Variants in GALNT13 observed in about 807,000 individuals in gnomAD.
GALNT13 encodes polypeptide N-acetylgalactosaminyltransferase 13.
In GALNT13, 28 loss-of-function variants were observed where a neutral mutation model predicts 64.2. That is an observed-to-expected ratio of 0.44 (90% CI 0.32 to 0.60). The LOEUF is 0.60. GALNT13 is among the 20% of genes least tolerant of loss of function. The pLI is 0.05. For missense variants in GALNT13, 577 were observed against 669.8 expected (o/e 0.86, Z 1.53); for synonymous variants, 214 against 224.6 (o/e 0.95, Z 0.42).
At chr2:154,070,012 A>T (rs965893237) in intron 3 of GALNT13, among the ~76,000 whole-genome samples, 1 of 152,128 alleles carries the variant, frequency 6.6e-6, no homozygotes, top group Non-Finnish European at 1.5e-5. Flanking sequence ...AAATTTAAAG[A>T]ATGCACTATT....
intron 8 of GALNT13, among the ~76,000 whole-genome samples, chr2:154,278,929 T>C (rs979539833): frequency 1.3e-5 from 2 of 152,024 alleles, no homozygotes; most frequent in African/African-American, 4.8e-5. Flanking sequence ...TATCATAAAT[T>C]TAAAATAAAA....
chr2:153,096,087 A>T, the GALNT13 span, among the ~76,000 whole-genome samples: 1 of 151,810 alleles, frequency 6.6e-6, no homozygotes, highest in South Asian at 2.1e-4. Context: ...AAAAAAACAA[A>T]TTTTTCAGTT....
chr2:154,364,662 T>C (rs1439249510), intron 9 of GALNT13, among the ~76,000 whole-genome samples: 1 of 149,864 alleles, frequency 6.7e-6, no homozygotes, highest in Non-Finnish European at 1.5e-5. Context: ...TTTGTTTTGT[T>C]TTGTTTTGTT....
At chr2:153,174,789 T>C in the GALNT13 span, among the ~76,000 whole-genome samples, 1 of 152,204 alleles carries the variant, frequency 6.6e-6, no homozygotes, top group African/African-American at 2.4e-5. Context: ...TTTGAGACTT[T>C]ACCTGAAGCA....
chr2:153,718,089 T>G, the GALNT13 span, among the ~76,000 whole-genome samples: 2 of 152,078 alleles, frequency 1.3e-5, no homozygotes, highest in African/African-American at 2.4e-5. Context: ...AAAAAAAGAT[T>G]CATTGGTGTT....
the GALNT13 span, among the ~76,000 whole-genome samples, chr2:153,341,021 A>G: frequency 1.3e-5 from 2 of 152,196 alleles, no homozygotes; most frequent in African/African-American, 2.4e-5. Flanking sequence ...CTGTGTCTTA[A>G]TAAGCCCTCT....
chr2:153,086,519 G>T, the GALNT13 span, among the ~76,000 whole-genome samples: 3 of 152,062 alleles, frequency 2.0e-5, no homozygotes, highest in African/African-American at 7.2e-5. Context: ...CCTGCACACA[G>T]TCTCTTGCCT....
the GALNT13 span, among the ~76,000 whole-genome samples, chr2:153,636,066 T>G: frequency 2.0e-5 from 3 of 152,222 alleles, no homozygotes; most frequent in African/African-American, 4.8e-5. Context: ...GGTGATTACA[T>G]TTTTAGCATG....
the GALNT13 span, among the ~76,000 whole-genome samples, chr2:153,702,553 G>A: frequency 6.6e-6 from 1 of 152,122 alleles, no homozygotes; most frequent in Non-Finnish European, 1.5e-5. Flanking sequence ...AAGAGCTTCT[G>A]TATATAGTTT....
intron 11 of GALNT13, among the ~76,000 whole-genome samples, chr2:154,417,517 A>ATTTTTTT (rs775341273): frequency 2.3e-4 from 29 of 127,124 alleles, no homozygotes; most frequent in African/African-American, 5.0e-4. Flanking sequence ...TTATTTATTT[A>ATTTTTTT]TTTATTTTTT....
chr2:153,253,247 A>C, the GALNT13 span, among the ~76,000 whole-genome samples: 34 of 149,006 alleles, frequency 2.3e-4, no homozygotes, highest in African/African-American at 7.2e-4. Flanking sequence ...ATGGGAGTTC[A>C]CTCATGATTT....
the GALNT13 span, among the ~76,000 whole-genome samples, chr2:153,718,649 G>C: frequency 2.0e-5 from 3 of 152,062 alleles, no homozygotes; most frequent in Non-Finnish European, 4.4e-5. Context: ...GAGGCAGCAG[G>C]TGTCAGGACG....
intron 4 of GALNT13, among the ~76,000 whole-genome samples, chr2:154,223,442 CTTTTTCTTTT>C (rs1559033907): frequency 1.6e-4 from 22 of 134,580 alleles, no homozygotes; most frequent in Middle Eastern, 4.3e-3. Context: ...TTTCTTTTTT[CTTTTTCTTTT>C]TTTTTTTTTT....
chr2:153,090,807 G>A, the GALNT13 span, among the ~76,000 whole-genome samples: 1 of 151,948 alleles, frequency 6.6e-6, no homozygotes, highest in Admixed American at 6.6e-5. Flanking sequence ...CTACTGTGGG[G>A]AATGGGGAAT....
At chr2:154,233,119 T>C (rs1265664692) in intron 4 of GALNT13, among the ~76,000 whole-genome samples, 1 of 151,852 alleles carries the variant, frequency 6.6e-6, no homozygotes, top group Non-Finnish European at 1.5e-5. Context: ...TTATCTTTTC[T>C]GTTAACGCCA....
the GALNT13 span, among the ~76,000 whole-genome samples, chr2:153,264,350 T>C: frequency 6.6e-6 from 1 of 152,204 alleles, no homozygotes; most frequent in South Asian, 2.1e-4. Context: ...GAATGTAAAT[T>C]AGTTCAACCA....
the GALNT13 span, among the ~76,000 whole-genome samples, chr2:153,420,275 A>G: frequency 6.6e-6 from 1 of 152,174 alleles, no homozygotes; most frequent in East Asian, 1.9e-4. Context: ...TTTTTACCAC[A>G]ATAAAAAGAG....
the GALNT13 span, among the ~76,000 whole-genome samples, chr2:153,506,689 G>A: frequency 1.0e-3 from 155 of 152,278 alleles, no homozygotes; most frequent in Non-Finnish European, 1.7e-3. Context: ...TAGCTTGTAG[G>A]GTTTCTGCTG....
chr2:153,417,078 A>G, the GALNT13 span, among the ~76,000 whole-genome samples: 1 of 152,208 alleles, frequency 6.6e-6, no homozygotes, highest in South Asian at 2.1e-4. Flanking sequence ...TCAAATTTGA[A>G]CAAAGACCAA....
Sources: allele counts gnomAD v4.1 joint callset (sites outside exome capture counted in the v4.1 genomes callset), GRCh38; gene constraint gnomAD v4.1.1; transcripts MANE v1.5; gene names NCBI Gene and HGNC (gene_info 2026-07-23, HGNC 2026-07-21).